The following DYRK1A variants were observed in gnomAD, a reference collection of about 807,000 sequenced individuals.
DYRK1A encodes dual specificity tyrosine-phosphorylation-regulated kinase 1A.
A neutral mutation model predicts 79.7 loss-of-function variants in DYRK1A; 9 were observed. That is an observed-to-expected ratio of 0.11 (90% CI 0.07 to 0.20). The LOEUF (loss-of-function observed/expected upper bound fraction) is 0.20. Ranked by LOEUF, DYRK1A falls within the 10% of genes least tolerant of loss-of-function variation. The pLI, the probability that DYRK1A is intolerant of heterozygous loss-of-function variation, is 1.00. For missense variants in DYRK1A, 622 were observed against 956.0 expected (o/e 0.65, Z 4.61); for synonymous variants, 349 against 329.7 (o/e 1.06, Z -0.63).
intron 2 of DYRK1A, among the ~76,000 whole-genome samples, chr21:37,425,470 A>G (rs1374189008): frequency 6.6e-6 from 1 of 152,206 alleles, no homozygotes; most frequent in Non-Finnish European, 1.5e-5. Flanking sequence ...AAAGCATTTG[A>G]TATTTATAGA....
chr21:37,391,166 C>G (rs910441896), intron 1 of DYRK1A, among the ~76,000 whole-genome samples: 4 of 152,186 alleles, frequency 2.6e-5, no homozygotes, highest in Admixed American at 2.6e-4. Flanking sequence ...CATTTGGAAA[C>G]CTATGTCTGA....
At chr21:37,497,620 A>G (rs1601294100) in intron 9 of DYRK1A, among the ~76,000 whole-genome samples, 1 of 152,186 alleles carries the variant, frequency 6.6e-6, no homozygotes, top group South Asian at 2.1e-4. Flanking sequence ...TGCTTTCTCC[A>G]TTTCAGATTG....
At chr21:37,497,153 G>A (rs1157875558) in intron 9 of DYRK1A, among the ~76,000 whole-genome samples, 1 of 170 alleles carries the variant, frequency 5.9e-3, no homozygotes, top group African/African-American at 0.022. Flanking sequence ...TATTTTAGCG[G>A]ACGCTGCCAC....
intron 2 of DYRK1A, among the ~76,000 whole-genome samples, chr21:37,430,987 G>C (rs2050760891): frequency 6.6e-6 from 1 of 151,978 alleles, no homozygotes; most frequent in South Asian, 2.1e-4. Context: ...CTGGTTCCTA[G>C]ATCTTTTTGA....
intron 1 of DYRK1A, among the ~76,000 whole-genome samples, chr21:37,391,541 G>A (rs574917192): frequency 2.0e-5 from 3 of 152,296 alleles, no homozygotes; most frequent in South Asian, 2.1e-4. Flanking sequence ...TTTACTTGCT[G>A]AAGCTTTAAT....
chr21:37,366,582 G>A (rs994512028), upstream of DYRK1A, among the ~76,000 whole-genome samples: 6 of 150,824 alleles, frequency 4.0e-5, no homozygotes, highest in Non-Finnish European at 8.9e-5. Context: ...CCCGAGCTCC[G>A]AATTTATCCT....
chr21:37,437,795 A>G (rs2050969916), intron 2 of DYRK1A, among the ~76,000 whole-genome samples: 1 of 152,200 alleles, frequency 6.6e-6, no homozygotes, highest in Non-Finnish European at 1.5e-5. Context: ...GTCTATTACA[A>G]ATAAAGATGC....
At position 37,505,406 on chromosome 21, in the gene DYRK1A, C is replaced by T; in HGVS notation, c.1336C>T (p.Leu446Phe). The T allele has an allele frequency of 6.2e-7, 1 of 1,614,148 alleles. No homozygotes were observed. The highest frequency in any genetic ancestry group is 8.5e-7 in the Non-Finnish European group (1 of 1,180,028). The change falls in exon 10 of 12, where the codon CTC becomes TTC. Residue 446 changes from leucine to phenylalanine, a missense_variant. By Grantham distance (22) the Leu-to-Phe change is conservative. Coordinates refer to ENST00000647188, the MANE Select transcript of DYRK1A (RefSeq NM_001347721.2). ...TVADYLKFKD[L>F]ILRMLDYDPK... is the part of the protein sequence containing the mutation. ...CGCTGACTACTTGAAGTTCAAAGAC[C>T]TCATTTTAAGGATGCTTGATTATGA...
At chr21:37,509,339 A>G (rs1228946727) in intron 11 of DYRK1A, among the ~76,000 whole-genome samples, 1 of 152,206 alleles carries the variant, frequency 6.6e-6, no homozygotes, top group Non-Finnish European at 1.5e-5. Context: ...CACTTTCTGT[A>G]TATCAGTAAA....
intron 2 of DYRK1A, among the ~76,000 whole-genome samples, chr21:37,446,903 CCT>C (rs1234439784): frequency 1.3e-5 from 2 of 152,108 alleles, no homozygotes; most frequent in African/African-American, 4.8e-5. Flanking sequence ...TTTTGTGCTC[CCT>C]CTGTGATTTG....
chr21:37,504,015 A>G (rs1362527497), intron 9 of DYRK1A: 1 of 152,220 alleles, frequency 6.6e-6, no homozygotes. Context: ...GAAGTGAGTC[A>G]TATTTTCCCT....
At chr21:37,401,582 A>C (rs895577801) in intron 1 of DYRK1A, among the ~76,000 whole-genome samples, 4 of 150,722 alleles carry the variant, frequency 2.7e-5, no homozygotes, top group African/African-American at 9.8e-5. Context: ...TCCTGGGTTC[A>C]AGCAATTCTC....
At chr21:37,409,713 G>A (rs1225692710) in intron 1 of DYRK1A, among the ~76,000 whole-genome samples, 2 of 151,964 alleles carry the variant, frequency 1.3e-5, no homozygotes, top group African/African-American at 4.8e-5. Context: ...AATTTTATTG[G>A]CCAAAGATAT....
chr21:37,443,383 C>T (rs570425065), intron 2 of DYRK1A, among the ~76,000 whole-genome samples: 1 of 152,248 alleles, frequency 6.6e-6, no homozygotes, highest in African/African-American at 2.4e-5. Context: ...TGATTGATTT[C>T]CCCCACCCGT....
At chr21:37,463,616 T>A (rs2051926001) in intron 2 of DYRK1A, among the ~76,000 whole-genome samples, 1 of 152,250 alleles carries the variant, frequency 6.6e-6, no homozygotes, top group South Asian at 2.1e-4. Context: ...TTCAGTTCAT[T>A]CCTTTATTGC....
intron 2 of DYRK1A, among the ~76,000 whole-genome samples, chr21:37,421,099 C>G (rs2148428613): frequency 6.6e-6 from 1 of 152,134 alleles, no homozygotes; most frequent in African/African-American, 2.4e-5. Flanking sequence ...AACTTTTGAA[C>G]TTAAATGTTC....
At chr21:37,379,511 G>A (rs1159066800) in intron 1 of DYRK1A, among the ~76,000 whole-genome samples, 3 of 152,128 alleles carry the variant, frequency 2.0e-5, no homozygotes, top group African/African-American at 7.2e-5. Flanking sequence ...GTCCTACTGA[G>A]GACCTGAAGG....
intron 1 of DYRK1A, among the ~76,000 whole-genome samples, chr21:37,411,435 A>G (rs1164651420): frequency 2.0e-5 from 3 of 151,264 alleles, no homozygotes; most frequent in Admixed American, 6.6e-5. Flanking sequence ...GACAAACCAA[A>G]ACAAGAAAAC....
At chr21:37,402,041 G>T (rs1026364533) in intron 1 of DYRK1A, among the ~76,000 whole-genome samples, 2 of 152,076 alleles carry the variant, frequency 1.3e-5, no homozygotes, top group Non-Finnish European at 2.9e-5. Flanking sequence ...GCATCAGATT[G>T]ATTTATCTGC....
Sources: allele counts gnomAD v4.1 joint callset (sites outside exome capture counted in the v4.1 genomes callset), GRCh38; gene constraint gnomAD v4.1.1; transcripts MANE v1.5; gene names NCBI Gene and HGNC (gene_info 2026-07-23, HGNC 2026-07-21).